The following MAP4 variants were observed in gnomAD, a reference collection of about 807,000 sequenced individuals.
The protein encoded by MAP4 is microtubule associated protein 4.
MAP4 carries 76 observed loss-of-function variants against 170.2 expected under a neutral mutation model. The observed-to-expected ratio is 0.45, with a 90% confidence interval of 0.37 to 0.54. The LOEUF (loss-of-function observed/expected upper bound fraction) is 0.54. Ranked by LOEUF, MAP4 falls within the 20% of genes least tolerant of loss-of-function variation. MAP4 has a pLI of 0.00. For synonymous variants in MAP4, 909 were observed against 994.5 expected (o/e 0.91, Z 1.62); for missense variants, 2,506 against 2,748.0 (o/e 0.91, Z 1.97).
At chr3:48,017,478 T>G (rs1222155168), upstream of MAP4, among the ~76,000 whole-genome samples, 1 of 143,526 alleles carries the variant, frequency 7.0e-6, no homozygotes, top group African/African-American at 3.0e-5. Context: ...TGTCTTTTTC[T>G]TTTTTCTTTT....
intron 1 of MAP4, among the ~76,000 whole-genome samples, chr3:48,052,801 A>T (rs531346954): frequency 7.9e-4 from 120 of 152,218 alleles, no homozygotes; most frequent in Non-Finnish European, 1.5e-3. Flanking sequence ...ATCTCAAACC[A>T]CAAGATGCAC....
intron 1 of MAP4, among the ~76,000 whole-genome samples, chr3:48,061,188 C>T (rs2100134998): frequency 6.6e-6 from 1 of 151,120 alleles, no homozygotes; most frequent in Non-Finnish European, 1.5e-5. Context: ...ACACCTCCCC[C>T]TCCCCCTCCC....
chr3:48,010,435 A>G (rs2100104648), intron 1 of MAP4, among the ~76,000 whole-genome samples: 2 of 152,234 alleles, frequency 1.3e-5, no homozygotes, highest in Admixed American at 1.3e-4. Flanking sequence ...TATTGATTTC[A>G]TAACAGCATT....
intron 1 of MAP4, among the ~76,000 whole-genome samples, chr3:48,048,506 CTTTTTTTTTTT>C (rs67709674): frequency 1.5e-5 from 1 of 66,964 alleles, no homozygotes; most frequent in Non-Finnish European, 2.5e-5. Flanking sequence ...TCTCAATTAT[CTTTTTTTTTTT>C]TTTTTTTTTT....
At chr3:47,920,170 C>G (rs1459109047) in intron 5 of MAP4, among the ~76,000 whole-genome samples, 1 of 152,158 alleles carries the variant, frequency 6.6e-6, no homozygotes, top group African/African-American at 2.4e-5. Flanking sequence ...AGTGTTTCAC[C>G]ATGTTGGCCA....
chr3:48,088,060 A>T (rs2100150265), intron 1 of MAP4, among the ~76,000 whole-genome samples: 1 of 152,150 alleles, frequency 6.6e-6, no homozygotes, highest in Non-Finnish European at 1.5e-5. Flanking sequence ...TCCACAGGAC[A>T]ATTTCACCAA....
rs771673438 is a variant in MAP4, at chr3:47,928,081, G to A, written c.415+147C>T. On this transcript the variant is annotated intron_variant, in intron 4 of 20. Transcript: ENST00000683076. Reference sequence around the variant, plus strand: ...AAGTGTCTCAAAGGAAAGGATAAATGAAGAAGAGAAAGGGACAAACCAATG... The same window carrying A: ...AAGTGTCTCAAAGGAAAGGATAAATAAAGAAGAGAAAGGGACAAACCAATG... 467 of 887,132 alleles carry A rather than the reference G, an allele frequency of 5.3e-4. 10 individuals are homozygous for A. The Middle Eastern group carries it at 0.026, about 49-fold the overall frequency. 55.0% of individuals were successfully genotyped at this position (887,132 alleles called of 1,614,324 possible). A position where few individuals can be genotyped will look rare whatever the true frequency, so the allele number is the denominator to read the frequency against.
At chr3:48,012,302 T>C (rs1303477128) in intron 1 of MAP4, among the ~76,000 whole-genome samples, 4 of 152,160 alleles carry the variant, frequency 2.6e-5, no homozygotes, top group African/African-American at 9.7e-5. Context: ...TAGATTCTAC[T>C]CCACTCACTC....
At position 47,867,703 on chromosome 3, in the gene MAP4, C is replaced by G. The variant is rs146935683; in HGVS notation, c.6409-365G>C. Among the ~76,000 whole-genome samples the G allele has an allele frequency of 4.0e-3, 606 of 152,320 alleles. 5 individuals carry two copies. Among genetic ancestry groups the G allele is most frequent in the African/African-American group, 0.014 (572 of 41,576 alleles). On this transcript the variant is annotated intron_variant, in intron 16 of 20. Transcript: ENST00000683076. The stretch of plus-strand genomic sequence containing the variant: ...CCTTGCTCTGCTCCCTCCTCAAGAG[C>G]TGGGCACAGTGTCCTTGGCTCTTCT...
At chr3:47,985,886 T>G (rs2100088345) in intron 2 of MAP4, among the ~76,000 whole-genome samples, 1 of 152,234 alleles carries the variant, frequency 6.6e-6, no homozygotes, top group Non-Finnish European at 1.5e-5. Flanking sequence ...TAGACAGGAA[T>G]ATCTCATCAG....
intron 10 of MAP4, among the ~76,000 whole-genome samples, chr3:47,895,768 C>T (rs1269641597): frequency 1.3e-5 from 2 of 152,184 alleles, no homozygotes; most frequent in African/African-American, 4.8e-5. Flanking sequence ...TAATTCTATC[C>T]ATAAACAGCA....
intron 3 of MAP4, among the ~76,000 whole-genome samples, chr3:47,959,758 C>CAA (rs1328400083): frequency 4.5e-5 from 3 of 66,484 alleles, no homozygotes; most frequent in Non-Finnish European, 1.0e-4. Flanking sequence ...GACTCCATCT[C>CAA]AAAAAAAAAA....
At chr3:47,873,273 A>G (rs1372067046) in intron 12 of MAP4, among the ~76,000 whole-genome samples, 1 of 152,226 alleles carries the variant, frequency 6.6e-6, no homozygotes, top group African/African-American at 2.4e-5. Context: ...TTTTACATGG[A>G]GGCTGAGAAT....
intron 17 of MAP4, among the ~76,000 whole-genome samples, chr3:47,859,124 G>A (rs1205309092): frequency 2.6e-5 from 4 of 151,436 alleles, no homozygotes; most frequent in East Asian, 3.9e-4. Context: ...AAGAGACTCC[G>A]CCTCAAAAAA....
At chr3:47,924,382 C>A (rs1415196347) in intron 4 of MAP4, among the ~76,000 whole-genome samples, 1 of 152,152 alleles carries the variant, frequency 6.6e-6, no homozygotes, top group Admixed American at 6.5e-5. Context: ...GACCTCTAGA[C>A]CTCTCACCTT....
At chr3:48,038,277 G>T (rs2100119825) in intron 1 of MAP4, among the ~76,000 whole-genome samples, 2 of 151,526 alleles carry the variant, frequency 1.3e-5, no homozygotes, top group Admixed American at 6.6e-5. Context: ...AAGAACGTAT[G>T]AAAGAGTGAA....
chr3:47,977,961 T>G, intron 2 of MAP4, 28 bp from the exon 3 acceptor site: 1 of 1,493,904 alleles, frequency 6.7e-7, no homozygotes, highest in East Asian at 2.3e-5. Context: ...AATTACCCAT[T>G]GTGACAGACA....
At chr3:47,918,952 A>C (rs1577586599) in intron 5 of MAP4, 111 bp from the exon 6 acceptor site, 1 of 878,642 alleles carries the variant, frequency 1.1e-6, no homozygotes, top group Non-Finnish European at 1.7e-6. Context: ...TTTTTGAGAC[A>C]GAGTTTCGCT....
At chr3:48,028,262 A>T (rs1443242501) in intron 1 of MAP4, among the ~76,000 whole-genome samples, 1 of 152,192 alleles carries the variant, frequency 6.6e-6, no homozygotes, top group Non-Finnish European at 1.5e-5. Context: ...ACTGTACTCT[A>T]GCATGGGCAA....
Sources: allele counts gnomAD v4.1 joint callset (sites outside exome capture counted in the v4.1 genomes callset), GRCh38; gene constraint gnomAD v4.1.1; transcripts MANE v1.5; gene names NCBI Gene and HGNC (gene_info 2026-07-23, HGNC 2026-07-21).